Variants in PEX11B observed in about 807,000 individuals in gnomAD.
The protein encoded by PEX11B is peroxisomal membrane protein 11B.
In PEX11B, 18 loss-of-function variants were observed where a neutral mutation model predicts 28.2. That is an observed-to-expected ratio of 0.64 (90% CI 0.44 to 0.95). The LOEUF is 0.95. Among genes scored for constraint, PEX11B ranks in the 40% least tolerant of loss-of-function variants. The probability of loss-of-function intolerance (pLI) is 0.00; values close to 1 mark genes in which losing one functional copy is unlikely to be tolerated. For missense variants in PEX11B, 305 were observed against 319.8 expected, an observed-to-expected ratio of 0.95 and a Z score of 0.35; for synonymous variants, 128 against 128.7, an observed-to-expected ratio of 0.99 and a Z score of 0.04.
chr1:145,917,837 G>T, intron 1 of PEX11B, 21 bp from the exon 2 acceptor site: 1 of 1,565,570 alleles, frequency 6.4e-7, no homozygotes, highest in Non-Finnish European at 8.8e-7. Flanking sequence ...GGGCAGGCAA[G>T]GTAAGGTGGA....
chr1:145,916,045 C>T (rs1354021118), intron 3 of PEX11B, among the ~76,000 whole-genome samples: 1 of 152,170 alleles, frequency 6.6e-6, no homozygotes, highest in African/African-American at 2.4e-5. Context: ...TAAAATAAAA[C>T]AAACATTAAC....
At chr1:145,913,203 G>A (rs1657885682) in intron 3 of PEX11B, among the ~76,000 whole-genome samples, 1 of 152,070 alleles carries the variant, frequency 6.6e-6, no homozygotes, top group South Asian at 2.1e-4. Flanking sequence ...TTTCAGTTAT[G>A]CAAGATGAGT....
At position 145,912,246 on chromosome 1, in the gene PEX11B, G is replaced by A. The variant is rs1553753195; in HGVS notation, c.695C>T (p.Pro232Leu). Residue 232 changes from proline (P) to leucine (L), a missense_variant, in exon 4 of 4, where the codon CCT becomes CTT. Transcript: ENST00000369306. ...GAGGCCACAAAGCCCCACAATCCCA[G>A]GGCCACAGCGCCAGAGGCCTAGTTT... ...LDKLGLWRCG[P>L]GIVGLCGLVS... is the part of the protein sequence containing the mutation. The A allele has an allele frequency of 6.2e-7, 1 of 1,614,044 alleles. No individual in the cohort carries two copies. Among genetic ancestry groups the A allele is most frequent in the South Asian group, 1.1e-5 (1 of 91,078 alleles).
intron 3 of PEX11B, among the ~76,000 whole-genome samples, chr1:145,915,762 T>C (rs941542778): frequency 6.6e-6 from 1 of 151,650 alleles, no homozygotes; most frequent in Admixed American, 6.6e-5. Context: ...GCCTCCCGAG[T>C]AGCTGGGATT....
At chr1:145,918,133 A>C in intron 1 of PEX11B, 1 of 985,460 alleles carries the variant, frequency 1.0e-6, no homozygotes, top group Non-Finnish European at 1.2e-6. Context: ...TACGTGATCG[A>C]TGAGGGGGAG....
At chr1:145,913,726 C>A (rs1370989767) in intron 3 of PEX11B, among the ~76,000 whole-genome samples, 2 of 152,046 alleles carry the variant, frequency 1.3e-5, no homozygotes, top group East Asian at 3.9e-4. Flanking sequence ...TAAAGGTGAT[C>A]TAAATCCAAT....
At chr1:145,916,452 G>C (rs1317615096) in intron 3 of PEX11B, among the ~76,000 whole-genome samples, 3 of 152,124 alleles carry the variant, frequency 2.0e-5, no homozygotes, top group Non-Finnish European at 2.9e-5. Context: ...ATGGGAGCAG[G>C]CACATTATCT....
At chr1:145,917,406 G>T (rs1013812773) in intron 2 of PEX11B, among the ~76,000 whole-genome samples, 2 of 152,128 alleles carry the variant, frequency 1.3e-5, no homozygotes, top group African/African-American at 4.8e-5. Context: ...ACTCTGACCT[G>T]GACGAGAGAC....
rs1553753969 is a variant in PEX11B at position 145,916,840 on chromosome 1, C to A, written c.351G>T (p.Glu117Asp). Reference sequence around the variant, plus strand: ...ACCTGAATGAACGCTGGGCCCACTTCTCCTGATCCACACGGGGAGCCAGTC... The same window carrying A: ...ACCTGAATGAACGCTGGGCCCACTTATCCTGATCCACACGGGGAGCCAGTC... ...KSGLAPRVDQEKWAQRSFRYY... is the reference protein window; with the variant it reads ...KSGLAPRVDQDKWAQRSFRYY... Residue 117 changes from glutamate to aspartate, a missense_variant, in exon 3 of 4, where the codon GAG becomes GAT. By Grantham distance (45) the Glu-to-Asp change is conservative (BLOSUM62 2). Transcript: ENST00000369306. 1 of 1,613,836 alleles carries A rather than the reference C, an allele frequency of 6.2e-7. No homozygotes were observed. Among genetic ancestry groups the A allele is most frequent in the Admixed American group, 1.7e-5 (1 of 60,000 alleles).
At chr1:145,915,135 C>T (rs979976081) in intron 3 of PEX11B, among the ~76,000 whole-genome samples, 1 of 152,288 alleles carries the variant, frequency 6.6e-6, no homozygotes, top group African/African-American at 2.4e-5. Context: ...AACTCCTGAC[C>T]TCAGGTGATC....
At chr1:145,916,354 T>G (rs1647375768) in intron 3 of PEX11B, among the ~76,000 whole-genome samples, 1 of 152,240 alleles carries the variant, frequency 6.6e-6, no homozygotes, top group Non-Finnish European at 1.5e-5. Context: ...CTTGTGATAT[T>G]CTTTCATAAT....
chr1:145,916,859 G>C lies in PEX11B; in HGVS notation c.332C>G (p.Ala111Gly). Residue 111 changes from alanine to glycine, a missense_variant, in exon 3 of 4, where the codon GCT becomes GGT. Coordinates refer to ENST00000369306, the MANE Select transcript of PEX11B (RefSeq NM_003846.3). Reference protein sequence around the residue: ...NVLWAGKSGLAPRVDQEKWAQ... With the variant: ...NVLWAGKSGLGPRVDQEKWAQ... ...CCACTTCTCCTGATCCACACGGGGA[G>C]CCAGTCCAGACTTTCCAGCCCACAG... 1 of 1,614,108 alleles carries C rather than the reference G, an allele frequency of 6.2e-7. No individual in the cohort carries two copies. The highest frequency in any genetic ancestry group is 1.1e-5 in the South Asian group (1 of 91,080).
intron 1 of PEX11B, chr1:145,918,209 CTGAA>C: frequency 1.0e-6 from 1 of 985,428 alleles, no homozygotes; most frequent in Non-Finnish European, 1.2e-6. Flanking sequence ...GGCCCTCTAG[CTGAA>C]TGGAGACCAA....
At chr1:145,918,134 T>C (rs893951372) in intron 1 of PEX11B, 2 of 985,310 alleles carry the variant, frequency 2.0e-6, no homozygotes, top group African/African-American at 3.5e-5. Flanking sequence ...ACGTGATCGA[T>C]GAGGGGGAGG....
intron 3 of PEX11B, among the ~76,000 whole-genome samples, chr1:145,916,460 T>A (rs1216823451): frequency 2.0e-5 from 3 of 152,218 alleles, no homozygotes; most frequent in African/African-American, 7.2e-5. Flanking sequence ...AGGCACATTA[T>A]CTGTTTAGCT....
At chr1:145,918,199 G>A in intron 1 of PEX11B, 3 of 985,422 alleles carry the variant, frequency 3.0e-6, no homozygotes, top group Non-Finnish European at 3.6e-6. Flanking sequence ...GAGATTTCAA[G>A]GCCCTCTAGC....
intron 3 of PEX11B, 37 bp downstream of exon 3, chr1:145,916,780 A>G (rs782098219): frequency 6.9e-7 from 1 of 1,455,178 alleles, no homozygotes; most frequent in South Asian, 1.1e-5. Flanking sequence ...TATAGAGGCT[A>G]CAAAAAAAAA....
At chr1:145,918,249 C>T in intron 1 of PEX11B, 2 of 985,460 alleles carry the variant, frequency 2.0e-6, no homozygotes, top group Non-Finnish European at 1.2e-6. Context: ...CAGGGGAGTT[C>T]CCGAATGGCA....
chr1:145,917,566 T>G (rs1647466529), intron 2 of PEX11B, 135 bp downstream of exon 2: 2 of 648,922 alleles, frequency 3.1e-6, no homozygotes, highest in East Asian at 5.3e-5. Context: ...TTATCTCAAC[T>G]GGACTCATGC....
Sources: gnomAD v4.1 joint callset for allele counts (sites outside exome capture counted in the v4.1 genomes callset) on GRCh38, gnomAD v4.1.1 for gene constraint, MANE v1.5 for transcripts, NCBI Gene and HGNC (gene_info 2026-07-23, HGNC 2026-07-21) for gene names.